Variants in GMPR observed in about 807,000 individuals in gnomAD.
GMPR encodes guanosine monophosphate reductase.
Under a neutral mutation model 38.4 loss-of-function variants are expected in GMPR, and 31 were observed. The ratio of observed to expected loss-of-function variants is 0.81; its 90% CI spans 0.61 to 1.09. The LOEUF is 1.09. Among genes scored for constraint, GMPR ranks in the 50% least tolerant of loss-of-function variants. The pLI is 0.00. For synonymous variants in GMPR, 162 were observed against 173.3 expected (o/e 0.93, Z 0.51); for missense variants, 468 against 453.7 (o/e 1.03, Z -0.29).
At position 16,238,654 on chromosome 6, in the gene GMPR, C is replaced by T; in HGVS notation, c.-40C>T. ...GCGCCGCCCCGCGCAGGCGCCCCCG[C>T]CCCGCCGTCGCCGCCGCCGCAGCCA... On this transcript the variant is annotated 5_prime_UTR_variant, in exon 1 of 9. Transcript: ENST00000259727. 1.9e-6 allele frequency: 2 copies of T among 1,056,286 alleles called. No individual in the cohort carries two copies. Among genetic ancestry groups the T allele is most frequent in the Non-Finnish European group, 1.2e-6 (1 of 816,684 alleles). 65.4% of individuals were successfully genotyped at this position (1,056,286 alleles called of 1,614,324 possible).
intron 4 of GMPR, among the ~76,000 whole-genome samples, chr6:16,266,153 AC>A (rs1414200455): frequency 8.2e-6 from 1 of 122,390 alleles, no homozygotes; most frequent in African/African-American, 4.5e-5. Flanking sequence ...GAGCTGTAAC[AC>A]TTGCCATCTT....
intron 4 of GMPR, among the ~76,000 whole-genome samples, chr6:16,267,717 C>T (rs570421305): frequency 4.6e-4 from 70 of 152,302 alleles, no homozygotes; most frequent in Non-Finnish European, 8.7e-4. Flanking sequence ...TTGGAGGTCC[C>T]TGTGTTGGCT....
intron 4 of GMPR, among the ~76,000 whole-genome samples, chr6:16,256,102 G>C (rs1047979710): frequency 2.0e-5 from 3 of 151,812 alleles, no homozygotes; most frequent in Non-Finnish European, 4.4e-5. Flanking sequence ...TGTAATCCCA[G>C]CTACTTAGGA....
In GMPR at chr6:16,246,902, A is replaced by T. The variant is rs768164091; in HGVS notation, c.148A>T (p.Ile50Phe). The T allele has an allele frequency of 1.2e-6, 2 of 1,613,706 alleles. No homozygotes were observed. The highest frequency in any genetic ancestry group is 1.7e-6 in the Non-Finnish European group (2 of 1,179,688). ...NSKQTYSGIP[I>F]IVANMDTVGT... ...AAAGCAGACCTACTCAGGGATTCCCATCATCGTGGCCAACATGGACACTGT... is the reference window on the plus strand; with the variant it reads ...AAAGCAGACCTACTCAGGGATTCCCTTCATCGTGGCCAACATGGACACTGT... Residue 50 changes from isoleucine (I) to phenylalanine (F), a missense_variant, in exon 2 of 9, where the codon ATC becomes TTC. Transcript: ENST00000259727.
intron 4 of GMPR, chr6:16,264,470 C>T (rs9477073): frequency 0.14 from 22,679 of 166,452 alleles, 1,727 homozygotes; most frequent in Admixed American, 0.18. Flanking sequence ...ATCTGAGTCA[C>T]GGCACCAAAT....
intron 2 of GMPR, 26 bp downstream of exon 2, chr6:16,246,987 C>G (rs1219145767): frequency 6.2e-7 from 1 of 1,609,500 alleles, no homozygotes; most frequent in East Asian, 2.2e-5. Context: ...TTTGTTTTTT[C>G]CCTTTGCTGC....
At chr6:16,289,185 A>G (rs1365365748) in intron 7 of GMPR, among the ~76,000 whole-genome samples, 3 of 152,200 alleles carry the variant, frequency 2.0e-5, no homozygotes, top group Non-Finnish European at 2.9e-5. Context: ...TTTTTGAGCT[A>G]GCGCAGACCC....
intron 4 of GMPR, chr6:16,259,398 A>T (rs1343951629): frequency 6.6e-6 from 1 of 152,058 alleles, no homozygotes; most frequent in Non-Finnish European, 1.5e-5. Flanking sequence ...AGGGGATATG[A>T]TGGCTTAGCT....
intron 8 of GMPR, among the ~76,000 whole-genome samples, chr6:16,293,577 C>T (rs1159532608): frequency 1.3e-5 from 2 of 152,198 alleles, no homozygotes; most frequent in African/African-American, 2.4e-5. Flanking sequence ...GCAGGTGGAT[C>T]ACCTAAGGCC....
intron 7 of GMPR, among the ~76,000 whole-genome samples, chr6:16,288,397 G>A (rs944426473): frequency 5.9e-5 from 9 of 152,230 alleles, no homozygotes; most frequent in African/African-American, 1.9e-4. Flanking sequence ...CTTAGCACCC[G>A]GGCCAGCAGC....
chr6:16,287,264 T>C (rs1413996133), intron 7 of GMPR, among the ~76,000 whole-genome samples: 1 of 152,250 alleles, frequency 6.6e-6, no homozygotes, highest in Non-Finnish European at 1.5e-5. Context: ...ATTTTTATGA[T>C]TGGTTTTTGA....
At chr6:16,255,577 C>T (rs933260813) in intron 4 of GMPR, among the ~76,000 whole-genome samples, 1 of 152,154 alleles carries the variant, frequency 6.6e-6, no homozygotes, top group Non-Finnish European at 1.5e-5. Context: ...TAATTATCTG[C>T]ACCTTACCTA....
chr6:16,275,404 C>T (rs1360975705), intron 5 of GMPR, among the ~76,000 whole-genome samples: 1 of 152,088 alleles, frequency 6.6e-6, no homozygotes, highest in Non-Finnish European at 1.5e-5. Context: ...GACTTGGCTC[C>T]GTGATCAGCC....
intron 4 of GMPR, among the ~76,000 whole-genome samples, chr6:16,264,793 G>A (rs1014008947): frequency 1.1e-4 from 17 of 152,134 alleles, no homozygotes; most frequent in Non-Finnish European, 2.2e-4. Context: ...CACTTCTTTT[G>A]TGGTGGAATG....
chr6:16,289,307 G>A (rs11969405), intron 7 of GMPR, among the ~76,000 whole-genome samples: 31,241 of 152,162 alleles, frequency 0.21, 3,388 homozygotes, highest in South Asian at 0.26. Context: ...GAACCCACCA[G>A]TTCCGAACAC....
chr6:16,250,377 C>T lies in GMPR; in HGVS notation c.291+10C>T, dbSNP rs1758847977. ...CCCAGAATGCCTGCAGGTACGACTA[C>T]AGCCTGGTTATCAATTACCAGTGCT... On this transcript the variant is annotated intron_variant, in intron 3 of 8. Transcript: ENST00000259727. The T allele has an allele frequency of 6.5e-7, 1 of 1,530,496 alleles. No homozygotes were observed. Among genetic ancestry groups the T allele is most frequent in the Non-Finnish European group, 9.1e-7 (1 of 1,103,574 alleles). 94.8% of individuals were successfully genotyped at this position (1,530,496 alleles called of 1,614,324 possible).
chr6:16,266,251 G>A (rs1299055552), intron 4 of GMPR, among the ~76,000 whole-genome samples: 8 of 151,960 alleles, frequency 5.3e-5, no homozygotes, highest in Admixed American at 4.6e-4. Context: ...TTTAAGAGCT[G>A]TAACACTCAC....
intron 2 of GMPR, among the ~76,000 whole-genome samples, chr6:16,249,470 A>G (rs894555518): frequency 9.9e-5 from 15 of 152,168 alleles, no homozygotes; most frequent in African/African-American, 2.9e-4. Flanking sequence ...ACGCTTAGCA[A>G]ATTTTAAAAG....
intron 4 of GMPR, among the ~76,000 whole-genome samples, chr6:16,268,845 C>T (rs1228528859): frequency 6.6e-6 from 1 of 150,406 alleles, no homozygotes; most frequent in Non-Finnish European, 1.5e-5. Context: ...AACTGTACAC[C>T]TAAAAACTTA....
Sources: gnomAD v4.1 joint callset for allele counts (sites outside exome capture counted in the v4.1 genomes callset) on GRCh38, gnomAD v4.1.1 for gene constraint, MANE v1.5 for transcripts, NCBI Gene and HGNC (gene_info 2026-07-23, HGNC 2026-07-21) for gene names.